The following MRE11 variants were observed in gnomAD, a reference collection of about 807,000 sequenced individuals.
The protein encoded by MRE11 is double-strand break repair protein MRE11.
In MRE11, 62 loss-of-function variants were observed where a neutral mutation model predicts 91.7. The observed-to-expected ratio is 0.68, with a 90% confidence interval of 0.55 to 0.84. The LOEUF is 0.84. Ranked by LOEUF, MRE11 falls within the 40% of genes least tolerant of loss-of-function variation. The pLI is 0.00. For synonymous variants in MRE11, 273 were observed against 271.4 expected (o/e 1.01, Z -0.06); for missense variants, 796 against 852.9 (o/e 0.93, Z 0.83).
At chr11:94,441,753 G>A (rs972109684) in intron 16 of MRE11, among the ~76,000 whole-genome samples, 1 of 152,070 alleles carries the variant, frequency 6.6e-6, no homozygotes, top group Admixed American at 6.6e-5. Context: ...GAGGCAGGAG[G>A]ATCACATGAA....
chr11:94,503,926 G>A, the MRE11 span, among the ~76,000 whole-genome samples: 1 of 151,628 alleles, frequency 6.6e-6, no homozygotes, highest in Admixed American at 6.6e-5. Context: ...ACAGAACAGA[G>A]TCTAGAAATA....
chr11:94,452,699 T>C (rs1047569467), intron 14 of MRE11, among the ~76,000 whole-genome samples: 7 of 152,176 alleles, frequency 4.6e-5, no homozygotes, highest in African/African-American at 7.2e-5. Context: ...CTGTTATCTT[T>C]GGAATGTATT....
chr11:94,509,323 A>C, the MRE11 span, among the ~76,000 whole-genome samples: 760 of 152,180 alleles, frequency 5.0e-3, 7 homozygotes, highest in African/African-American at 0.017. Flanking sequence ...TGTCTTTTAC[A>C]TTCCATTTTT....
intron 14 of MRE11, among the ~76,000 whole-genome samples, chr11:94,447,665 C>CAAAA (rs56850566): frequency 7.0e-4 from 34 of 48,652 alleles, no homozygotes; most frequent in African/African-American, 1.3e-3. Flanking sequence ...CCCGTCTCTA[C>CAAAA]AAAAAAAAAA....
chr11:94,491,552 T>A (rs1947283295), intron 2 of MRE11, among the ~76,000 whole-genome samples: 1 of 152,196 alleles, frequency 6.6e-6, no homozygotes, highest in African/African-American at 2.4e-5. Context: ...TTATTAATAC[T>A]CTTACACTAA....
At chr11:94,472,312 T>C (rs1946738620) in intron 7 of MRE11, among the ~76,000 whole-genome samples, 1 of 152,220 alleles carries the variant, frequency 6.6e-6, no homozygotes, top group South Asian at 2.1e-4. Flanking sequence ...TATTTAAAGA[T>C]ACATGAAATG....
intron 19 of MRE11, among the ~76,000 whole-genome samples, chr11:94,425,152 G>A (rs1434017827): frequency 3.3e-5 from 5 of 152,038 alleles, no homozygotes; most frequent in Non-Finnish European, 7.4e-5. Context: ...CGGACATCTC[G>A]GCAGAAACCT....
intron 12 of MRE11, among the ~76,000 whole-genome samples, chr11:94,460,588 A>G (rs1440703091): frequency 6.6e-6 from 1 of 152,250 alleles, no homozygotes; most frequent in East Asian, 1.9e-4. Context: ...GCAACTACAA[A>G]TGAATGTAAA....
intron 14 of MRE11, among the ~76,000 whole-genome samples, chr11:94,449,708 C>T (rs1354013485): frequency 2.6e-5 from 4 of 152,204 alleles, no homozygotes; most frequent in African/African-American, 4.8e-5. Flanking sequence ...CTAAATGGTA[C>T]AGTCTACTAC....
At chr11:94,425,172 G>A (rs548486262) in intron 19 of MRE11, among the ~76,000 whole-genome samples, 57 of 152,298 alleles carry the variant, frequency 3.7e-4, no homozygotes, top group African/African-American at 1.3e-3. Context: ...TTACAAGCCA[G>A]AAGAGACTGG....
intron 6 of MRE11, among the ~76,000 whole-genome samples, chr11:94,477,145 T>C (rs1371603119): frequency 2.6e-5 from 4 of 152,228 alleles, no homozygotes; most frequent in Non-Finnish European, 5.9e-5. Flanking sequence ...AAAATTCTTA[T>C]TAAAACTTCT....
In MRE11 at chr11:94,417,242, G is replaced by A. The variant is rs1945051870; in HGVS notation, c.*2883C>T. 1 of 185,188 alleles carries A rather than the reference G, an allele frequency of 5.4e-6. No homozygotes were observed. Among genetic ancestry groups the A allele is most frequent in the African/African-American group, 2.3e-5 (1 of 42,686 alleles). The allele number at this position is 185,188 out of a possible 1,614,324, so 11.5% of individuals were successfully genotyped here. ...AACCCCCTCCTCGGCCTCCCAAAGT[G>A]CTGGGATTAAAGGCATGAGCCACTG... On this transcript the variant is annotated 3_prime_UTR_variant, in exon 20 of 20. Coordinates refer to ENST00000323929, the MANE Select transcript of MRE11 (RefSeq NM_005591.4).
chr11:94,502,094 C>G, the MRE11 span, among the ~76,000 whole-genome samples: 3 of 152,154 alleles, frequency 2.0e-5, no homozygotes, highest in East Asian at 5.8e-4. Flanking sequence ...TGTGGGCCAA[C>G]TATGCTGTAT....
At chr11:94,497,879 T>C (rs1364898907), upstream of MRE11, 1 of 546,318 alleles carries the variant, frequency 1.8e-6, no homozygotes, top group Non-Finnish European at 3.2e-6. Flanking sequence ...TAGTTAACAC[T>C]AACTTGTTCA....
At chr11:94,510,288 C>T in the MRE11 span, among the ~76,000 whole-genome samples, 1 of 152,128 alleles carries the variant, frequency 6.6e-6, no homozygotes, top group Non-Finnish European at 1.5e-5. Context: ...TCAAATTATT[C>T]AAAATATCTT....
rs562651178 is a variant in MRE11, at chr11:94,491,199, T to C, written c.21-234A>G. Among the ~76,000 whole-genome samples the C allele has an allele frequency of 3.3e-5, 5 of 152,316 alleles. No individual in the cohort carries two copies. In the East Asian group the frequency reaches 7.7e-4, roughly 23 times the overall value. On this transcript the variant is annotated intron_variant, in intron 2 of 19. Transcript: ENST00000323929. ...GTACATAAATCTTTACAAGGTTCTATAACTGCTTCAAAAATTTATAACCTT... is the reference window on the plus strand; with the variant it reads ...GTACATAAATCTTTACAAGGTTCTACAACTGCTTCAAAAATTTATAACCTT...
chr11:94,481,597 C>A (rs1947014222), intron 4 of MRE11, among the ~76,000 whole-genome samples: 1 of 152,158 alleles, frequency 6.6e-6, no homozygotes, highest in Non-Finnish European at 1.5e-5. Flanking sequence ...CTTCCCCACA[C>A]CTAGATTTTT....
chr11:94,418,481 C>T lies in MRE11; in HGVS notation c.*1644G>A, dbSNP rs1327960334. On this transcript the variant is annotated 3_prime_UTR_variant, in exon 20 of 20. Transcript: ENST00000323929. The stretch of plus-strand genomic sequence containing the variant: ...CCTCACTATAACTCTCACCCAGACC[C>T]ACCTAACTGATGCATGAGAAGAGCC... 4.3e-6 allele frequency: 1 copy of T among 232,430 alleles called. No individual in the cohort carries two copies. The highest frequency in any genetic ancestry group is 5.6e-5 in the Admixed American group (1 of 17,734). The allele number at this position is 232,430 out of a possible 1,614,324, so 14.4% of individuals were successfully genotyped here.
chr11:94,477,035 A>ATT (rs1356276971), intron 6 of MRE11, among the ~76,000 whole-genome samples: 1 of 152,172 alleles, frequency 6.6e-6, no homozygotes, highest in African/African-American at 2.4e-5. Flanking sequence ...CAGGTTCTTG[A>ATT]TAACAGTAGT....
Sources: allele counts gnomAD v4.1 joint callset (sites outside exome capture counted in the v4.1 genomes callset), GRCh38; gene constraint gnomAD v4.1.1; transcripts MANE v1.5; gene names NCBI Gene and HGNC (gene_info 2026-07-23, HGNC 2026-07-21).